STS: variants seen among roughly 807,000 people sequenced by gnomAD.
STS encodes steryl-sulfatase.
Under a neutral mutation model 26.8 loss-of-function variants are expected in STS, and 7 were observed. The ratio of observed to expected loss-of-function variants is 0.26; its 90% CI spans 0.15 to 0.49. STS has a LOEUF of 0.49. Among genes scored for constraint, STS ranks in the 20% least tolerant of loss-of-function variants. The pLI, the probability that STS is intolerant of heterozygous loss-of-function variation, is 0.98. For synonymous variants in STS, 199 were observed against 189.4 expected (o/e 1.05, Z -0.42); for missense variants, 434 against 465.6 (o/e 0.93, Z 0.63).
intron 1 of STS, among the ~76,000 whole-genome samples, chrX:7,159,519 G>C (rs551508560): frequency 8.9e-6 from 1 of 112,184 alleles, no homozygotes; most frequent in South Asian, 3.7e-4. Flanking sequence ...CTGTTTGTCT[G>C]TCCCACCCCA....
chrX:7,258,722 A>G (rs1472438711), intron 5 of STS, among the ~76,000 whole-genome samples: 2 of 111,424 alleles, frequency 1.8e-5, no homozygotes, highest in Non-Finnish European at 3.8e-5. Context: ...TTAACATTTT[A>G]TAAGAAATTT....
chrX:7,315,846 TG>T (rs2147150950), intron 8 of STS, among the ~76,000 whole-genome samples: 1 of 111,265 alleles, frequency 9.0e-6, no homozygotes, highest in East Asian at 2.9e-4. Context: ...AGATTGAGGG[TG>T]GGTCTGCCTC....
At chrX:7,324,430 G>T (rs1272602817) in intron 8 of STS, among the ~76,000 whole-genome samples, 3 of 111,695 alleles carry the variant, frequency 2.7e-5, no homozygotes, top group African/African-American at 9.8e-5. Flanking sequence ...GGATCAGGGA[G>T]AAGACCCCAA....
In STS at chrX:7,148,101, G is replaced by A. The variant is rs1356860295; in HGVS notation, c.-134+18G>A. The A allele has an allele frequency of 1.8e-6, 2 of 1,131,695 alleles. No homozygotes were observed. The highest frequency in any genetic ancestry group is 1.2e-6 in the Non-Finnish European group (1 of 854,421). The allele number at this position is 1,131,695 out of a possible 1,213,427, so 93.3% of individuals were successfully genotyped here. ...AAGATGAGGTGGGTGACGGGCTGCG[G>A]GGGCGCCGCCATGGTGGCGCCTTCT... On this transcript the variant is annotated intron_variant, in intron 1 of 10. Transcript: ENST00000674429.
intron 8 of STS, among the ~76,000 whole-genome samples, chrX:7,311,419 T>C (rs902747528): frequency 8.9e-6 from 1 of 111,927 alleles, no homozygotes; most frequent in Non-Finnish European, 1.9e-5. Flanking sequence ...CTGCTGGAAG[T>C]GGTGGGCTCC....
chrX:7,336,247 C>G (rs748779812), intron 10 of STS, among the ~76,000 whole-genome samples: 3 of 104,469 alleles, frequency 2.9e-5, no homozygotes, highest in African/African-American at 1.0e-4. Context: ...CTGCCCCCCC[C>G]ACCCGCCCCA....
At chrX:7,316,536 G>A (rs1194474200) in intron 8 of STS, among the ~76,000 whole-genome samples, 3 of 112,140 alleles carry the variant, frequency 2.7e-5, no homozygotes, top group African/African-American at 9.7e-5. Flanking sequence ...GAAAAAGTTT[G>A]CCAACCCTTG....
At chrX:7,161,590 T>C (rs1323905624) in intron 1 of STS, among the ~76,000 whole-genome samples, 2 of 112,108 alleles carry the variant, frequency 1.8e-5, no homozygotes, top group African/African-American at 6.5e-5. Context: ...CTCTCTGTTA[T>C]CTTATGAGCA....
At chrX:7,292,320 G>A (rs982235875) in intron 7 of STS, among the ~76,000 whole-genome samples, 2 of 112,424 alleles carry the variant, frequency 1.8e-5, no homozygotes, top group Admixed American at 9.4e-5. Flanking sequence ...CACAGCTCTT[G>A]TAGACAGGAG....
chrX:7,192,922 G>A (rs1200257828), intron 2 of STS, among the ~76,000 whole-genome samples: 4 of 112,480 alleles, frequency 3.6e-5, no homozygotes, highest in African/African-American at 9.7e-5. Flanking sequence ...CCGAAATGTC[G>A]TGCTGAGGGC....
At chrX:7,202,936 C>T (rs1000826172) in intron 2 of STS, among the ~76,000 whole-genome samples, 1 of 110,899 alleles carries the variant, frequency 9.0e-6, no homozygotes, top group Non-Finnish European at 1.9e-5. Flanking sequence ...CTCTCTCTAT[C>T]CATCTCTGTC....
At chrX:7,167,367 C>T (rs1933372831) in intron 1 of STS, among the ~76,000 whole-genome samples, 1 of 111,030 alleles carries the variant, frequency 9.0e-6, no homozygotes, top group South Asian at 3.8e-4. Context: ...AGGCGTGTGC[C>T]ACCACGCCCA....
intron 8 of STS, among the ~76,000 whole-genome samples, chrX:7,314,634 C>G (rs1926631338): frequency 8.8e-6 from 1 of 113,055 alleles, no homozygotes; most frequent in African/African-American, 3.2e-5. Context: ...AATGTATGAC[C>G]TTAATACTAC....
At position 7,182,526 on chromosome X, in the gene STS, A is replaced by G. The variant is rs1274537393; in HGVS notation, c.-133-8354A>G. 2.7e-5 allele frequency among the ~76,000 whole-genome samples: 3 copies of G among 110,474 alleles called. No homozygotes were observed. The Admixed American group carries it at 2.9e-4, about 11-fold the overall frequency. ...GTGCCTATAGTGTCTTTTCATAAAT[A>G]CAACCTGTTATTGGAGCGATTGGTG... On this transcript the variant is annotated intron_variant, in intron 1 of 10. Transcript: ENST00000674429.
rs1178578773 is a variant in STS at position 7,349,316 on chromosome X, C to CTT, written c.1364-536_1364-535dup. ...GCTGCACTCGGCCCTCATTTAATTC[C>CTT]TTTTTTTTTTTTTTTTTTTTTTTTT... On this transcript the variant is annotated intron_variant, in intron 10 of 10. Transcript: ENST00000674429. Among the ~76,000 whole-genome samples, 189 of 52,845 alleles carry CTT rather than the reference C, an allele frequency of 3.6e-3. 21 individuals are homozygous for CTT. Among genetic ancestry groups the CTT allele is most frequent in the Non-Finnish European group, 5.0e-3 (147 of 29,272 alleles). 45.9% of individuals were successfully genotyped at this position (52,845 alleles called of 115,157 possible).
chrX:7,301,164 G>T, intron 7 of STS, among the ~76,000 whole-genome samples: 1 of 109,975 alleles, frequency 9.1e-6, no homozygotes, highest in Middle Eastern at 4.7e-3. Flanking sequence ...GAGGCAAGGG[G>T]ATTGCCTGAG....
At chrX:7,339,269 T>C in intron 10 of STS, among the ~76,000 whole-genome samples, 1 of 111,444 alleles carries the variant, frequency 9.0e-6, no homozygotes, top group Non-Finnish European at 1.9e-5. Flanking sequence ...GTGTCAGAAA[T>C]GAAATATCGA....
intron 5 of STS, 134 bp from the exon 6 acceptor site, chrX:7,259,215 G>T (rs1923597209): frequency 3.1e-6 from 2 of 638,488 alleles, no homozygotes; most frequent in Non-Finnish European, 2.5e-6. Context: ...AAAAATTCTA[G>T]GGTCCTATGA....
intron 2 of STS, among the ~76,000 whole-genome samples, chrX:7,232,963 GTC>G (rs1922133285): frequency 9.0e-6 from 1 of 111,025 alleles, no homozygotes; most frequent in African/African-American, 3.3e-5. Context: ...TGCAAAGAAG[GTC>G]TCTCCTTCGC....
Sources: allele counts gnomAD v4.1 joint callset (sites outside exome capture counted in the v4.1 genomes callset), GRCh38; gene constraint gnomAD v4.1.1; transcripts MANE v1.5; gene names NCBI Gene and HGNC (gene_info 2026-07-23, HGNC 2026-07-21).